COL10A1: variants seen among roughly 807,000 people sequenced by gnomAD.
COL10A1 encodes collagen type X alpha 1 chain.
Under a neutral mutation model 18.2 loss-of-function variants are expected in COL10A1, and 10 were observed. The observed-to-expected ratio is 0.55, with a 90% CI of 0.34 to 0.93. COL10A1 has a LOEUF of 0.93. Ranked by LOEUF, COL10A1 falls within the 40% of genes least tolerant of loss-of-function variation. The pLI is 0.02. For missense variants in COL10A1, 897 were observed against 853.5 expected, an observed-to-expected ratio of 1.05 and a Z score of -0.64; for synonymous variants, 330 against 316.6, an observed-to-expected ratio of 1.04 and a Z score of -0.45.
rs201416912 is a variant in COL10A1, at chr6:116,120,434, G to T, written c.1682C>A (p.Ala561Asp). 6 of 1,614,266 alleles carry T rather than the reference G, an allele frequency of 3.7e-6. No homozygotes were observed. The East Asian group carries it at 1.3e-4, about 36-fold the overall frequency. Residue 561 changes from alanine (A) to aspartate (D), a missense_variant, in exon 3 of 3, where the codon GCT becomes GAT. By Grantham distance (126) the Ala-to-Asp change is moderately radical. Transcript: ENST00000651968. Reference sequence around the variant, plus strand: ...TATGGGAGTTCCTATTGCTGGGTAAGCTTTGGAGAGAATAACAGTAAAAGC... The same window carrying T: ...TATGGGAGTTCCTATTGCTGGGTAATCTTTGGAGAGAATAACAGTAAAAGC... ...VSAFTVILSK[A>D]YPAIGTPIPF...
chr6:116,202,723 T>G, the COL10A1 span, among the ~76,000 whole-genome samples: 1 of 151,990 alleles, frequency 6.6e-6, no homozygotes, highest in African/African-American at 2.4e-5. Flanking sequence ...GTGTACAGTT[T>G]CATAAATGCA....
the COL10A1 span, among the ~76,000 whole-genome samples, chr6:116,166,705 T>C: frequency 6.6e-6 from 1 of 152,222 alleles, no homozygotes; most frequent in Non-Finnish European, 1.5e-5. Flanking sequence ...GTTATTTATC[T>C]AAATCCATGA....
intron 1 of COL10A1, 87 bp downstream of exon 1, chr6:116,125,966 A>T: frequency 6.5e-6 from 1 of 154,842 alleles, no homozygotes; most frequent in Non-Finnish European, 1.4e-5. Context: ...AATACTTCTA[A>T]TACTTGAGAA....
At chr6:116,208,191 A>G in the COL10A1 span, among the ~76,000 whole-genome samples, 1 of 151,958 alleles carries the variant, frequency 6.6e-6, no homozygotes, top group African/African-American at 2.4e-5. Context: ...AGTCAACTGT[A>G]ACTTTTTTCA....
upstream of COL10A1, among the ~76,000 whole-genome samples, chr6:116,162,166 G>T (rs1351896429): frequency 1.3e-5 from 2 of 152,148 alleles, no homozygotes; most frequent in Non-Finnish European, 2.9e-5. Context: ...TTAGGTCCAG[G>T]AGTCTTTTGG....
At position 116,158,476 on chromosome 6, in the gene COL10A1, G is replaced by A. The variant is rs73772302; in HGVS notation, c.-16+138C>T. 344 of 152,290 alleles carry A rather than the reference G, an allele frequency of 2.3e-3. 2 individuals are homozygous for A. The highest frequency in any genetic ancestry group is 8.1e-3 in the African/African-American group (338 of 41,560). The allele number at this position is 152,290 out of a possible 1,614,324, so 9.4% of individuals were successfully genotyped here. On this transcript the variant is annotated intron_variant, in intron 1 of 1. Coordinates refer to the COL10A1 transcript ENST00000418500. The stretch of plus-strand genomic sequence containing the variant: ...GCAATCTTATGAGACACAGAAGGAA[G>A]TATCATTTTCTTTAAATACATTTTA...
intron 2 of COL10A1, among the ~76,000 whole-genome samples, chr6:116,122,645 T>A (rs1779166172): frequency 6.6e-6 from 1 of 152,154 alleles, no homozygotes; most frequent in Non-Finnish European, 1.5e-5. Flanking sequence ...AAACTAAACT[T>A]AAACTAAAAA....
chr6:116,165,098 G>GAAAAAAAAAAAAA, the COL10A1 span, among the ~76,000 whole-genome samples: 4 of 101,050 alleles, frequency 4.0e-5, no homozygotes, highest in African/African-American at 1.6e-4. Flanking sequence ...CTCCGTCTCA[G>GAAAAAAAAAAAAA]AAAAAAAAAA....
At chr6:116,135,578 AC>A (rs1286705934) in intron 1 of COL10A1, among the ~76,000 whole-genome samples, 2 of 151,568 alleles carry the variant, frequency 1.3e-5, no homozygotes, top group Non-Finnish European at 2.9e-5. Flanking sequence ...GAACAATATA[AC>A]TTCTATTACC....
chr6:116,156,894 C>T (rs986159163), intron 1 of COL10A1, among the ~76,000 whole-genome samples: 5 of 152,208 alleles, frequency 3.3e-5, no homozygotes, highest in African/African-American at 1.2e-4. Context: ...TTTTGTTCTC[C>T]TCAGGAGCCC....
In COL10A1 at chr6:116,120,309, C is replaced by T. The variant is rs143769451; in HGVS notation, c.1807G>A (p.Val603Met). 2.8e-5 allele frequency: 46 copies of T among 1,614,140 alleles called. No homozygotes were observed. The highest frequency in any genetic ancestry group is 3.3e-5 in the Non-Finnish European group (39 of 1,180,028). ...CAAACATGAGTCCCTTTCACATGCA[C>T]GTGGTATGAAAAATAGTATATTCCT... Reference protein sequence around the residue: ...IPGIYYFSYHVHVKGTHVWVG... With the variant: ...IPGIYYFSYHMHVKGTHVWVG... The change falls in exon 3 of 3, where the codon GTG becomes ATG. Residue 603 changes from valine to methionine, a missense_variant. Coordinates refer to ENST00000651968, the MANE Select transcript of COL10A1 (RefSeq NM_000493.4).
intron 1 of COL10A1, among the ~76,000 whole-genome samples, chr6:116,154,094 A>G (rs924748811): frequency 4.7e-5 from 7 of 149,820 alleles, no homozygotes; most frequent in African/African-American, 1.7e-4. Context: ...GACCAAAGAG[A>G]TGTTAAAACA....
chr6:116,167,503 T>C, the COL10A1 span, among the ~76,000 whole-genome samples: 20 of 152,298 alleles, frequency 1.3e-4, no homozygotes, highest in East Asian at 3.7e-3. Flanking sequence ...TGAGCCACCG[T>C]GCCCAGCCCA....
chr6:116,198,806 G>A, the COL10A1 span, among the ~76,000 whole-genome samples: 1 of 151,876 alleles, frequency 6.6e-6, no homozygotes, highest in Non-Finnish European at 1.5e-5. Context: ...ACCAAAGTGG[G>A]GACTTTTTCT....
upstream of COL10A1, among the ~76,000 whole-genome samples, chr6:116,127,148 T>C (rs1349420205): frequency 6.6e-6 from 1 of 152,168 alleles, no homozygotes; most frequent in Non-Finnish European, 1.5e-5. Context: ...AGACACATCA[T>C]TTTTCTACCT....
the COL10A1 span, among the ~76,000 whole-genome samples, chr6:116,172,471 G>A: frequency 6.6e-6 from 1 of 151,654 alleles, no homozygotes; most frequent in Non-Finnish European, 1.5e-5. Context: ...ACAGGCGCAC[G>A]CCACCACGCC....
chr6:116,185,554 G>A, the COL10A1 span, among the ~76,000 whole-genome samples: 17 of 151,942 alleles, frequency 1.1e-4, no homozygotes, highest in African/African-American at 4.1e-4. Context: ...TCTACTGTTG[G>A]GTGCGTATAT....
At chr6:116,125,123 A>G (rs1234134524) in intron 2 of COL10A1, among the ~76,000 whole-genome samples, 1 of 152,240 alleles carries the variant, frequency 6.6e-6, no homozygotes, top group African/African-American at 2.4e-5. Context: ...TTGCAGGTAT[A>G]TCTTTCAACT....
intron 1 of COL10A1, among the ~76,000 whole-genome samples, chr6:116,157,564 G>C (rs1300562520): frequency 6.6e-6 from 1 of 152,228 alleles, no homozygotes. Context: ...GGGGGATCAA[G>C]TGTATGTGAA....
Sources: allele counts gnomAD v4.1 joint callset (sites outside exome capture counted in the v4.1 genomes callset), GRCh38; gene constraint gnomAD v4.1.1; transcripts MANE v1.5; gene names NCBI Gene and HGNC (gene_info 2026-07-23, HGNC 2026-07-21).